Variants in XKR6 observed in about 807,000 individuals in gnomAD.
XKR6 encodes XK related 6, also known as XK-related protein 6.
XKR6 carries 22 observed loss-of-function variants against 56.7 expected under a neutral mutation model. That is an observed-to-expected ratio of 0.39 (90% CI 0.28 to 0.55). The LOEUF (loss-of-function observed/expected upper bound fraction) is 0.55, where lower values mean the gene tolerates loss of function less well. Ranked by LOEUF, XKR6 falls within the 20% of genes least tolerant of loss-of-function variation. XKR6 has a pLI of 0.66. For synonymous variants in XKR6, 524 were observed against 387.8 expected, an observed-to-expected ratio of 1.35 and a Z score of -4.13; for missense variants, 852 against 889.0, an observed-to-expected ratio of 0.96 and a Z score of 0.53.
chr8:11,119,988 C>T, intron 1 of XKR6, among the ~76,000 whole-genome samples: 1 of 152,166 alleles, frequency 6.6e-6, no homozygotes, highest in Non-Finnish European at 1.5e-5. Context: ...TTCAACAACG[C>T]TTCATGCTAA....
intron 1 of XKR6, among the ~76,000 whole-genome samples, chr8:11,074,952 G>C (rs1481404202): frequency 6.6e-6 from 1 of 152,242 alleles, no homozygotes; most frequent in Non-Finnish European, 1.5e-5. Flanking sequence ...AAACTCTGCA[G>C]TGTCCCCATG....
chr8:11,008,418 CTTT>C (rs35571220), intron 1 of XKR6, among the ~76,000 whole-genome samples: 4,367 of 103,972 alleles, frequency 0.042, 162 homozygotes, highest in African/African-American at 0.16. Context: ...GCTCCCCAGG[CTTT>C]TTTTTTTTTT....
At chr8:11,181,601 T>C (rs889090510) in intron 1 of XKR6, among the ~76,000 whole-genome samples, 1 of 152,220 alleles carries the variant, frequency 6.6e-6, no homozygotes, top group Non-Finnish European at 1.5e-5. Flanking sequence ...TTTGTATATT[T>C]ATATATGTGG....
rs913322501 is a variant in XKR6, at chr8:11,200,301, G to A, written c.764+275C>T. Reference sequence around the variant, plus strand: ...ACGCTTGGGAACGGAGCTCTGCAGAGGGGACGGGGAGGGCAGGTTGGGGCA... The same window carrying A: ...ACGCTTGGGAACGGAGCTCTGCAGAAGGGACGGGGAGGGCAGGTTGGGGCA... On this transcript the variant is annotated intron_variant, in intron 1 of 2. Transcript: ENST00000416569. The surrounding 1 kb of genome is among the most constrained non-coding windows in gnomAD (Gnocchi z 6.4). Among the ~76,000 whole-genome samples the A allele has an allele frequency of 7.9e-5, 12 of 152,376 alleles. No homozygotes were observed. The highest frequency in any genetic ancestry group is 2.4e-4 in the African/African-American group (10 of 41,596).
intron 1 of XKR6, among the ~76,000 whole-genome samples, chr8:11,148,381 G>A (rs772310129): frequency 1.8e-4 from 28 of 152,316 alleles, no homozygotes; most frequent in African/African-American, 5.8e-4. Flanking sequence ...GAGGGCAGCC[G>A]TCTGCAAGCC....
chr8:11,170,911 T>C (rs1054229640), intron 1 of XKR6, among the ~76,000 whole-genome samples: 1 of 152,214 alleles, frequency 6.6e-6, no homozygotes, highest in Non-Finnish European at 1.5e-5. Flanking sequence ...GGTAACTAGG[T>C]AATTAACCTT....
At chr8:10,975,876 C>T (rs142862447) in intron 1 of XKR6, among the ~76,000 whole-genome samples, 17 of 152,222 alleles carry the variant, frequency 1.1e-4, no homozygotes, top group Non-Finnish European at 2.1e-4. Flanking sequence ...CATGGGAACA[C>T]GGAGGTATCA....
intron 1 of XKR6, among the ~76,000 whole-genome samples, chr8:11,152,996 T>C (rs1021442259): frequency 3.3e-5 from 5 of 152,176 alleles, no homozygotes; most frequent in African/African-American, 1.2e-4. Context: ...CTGACTATGA[T>C]CACAGAGTAA....
intron 1 of XKR6, among the ~76,000 whole-genome samples, chr8:11,126,784 C>T (rs3736015): frequency 0.027 from 4,073 of 152,234 alleles, 92 homozygotes; most frequent in African/African-American, 0.059. Flanking sequence ...AAAATTATAA[C>T]CTCAGAGACC....
rs567764606 is a variant in XKR6 at position 10,981,131 on chromosome 8, C to G, written c.765-56301G>C. Among the ~76,000 whole-genome samples the G allele has an allele frequency of 2.8e-3, 429 of 152,290 alleles. 5 individuals carry two copies. The highest frequency in any genetic ancestry group is 3.2e-3 in the Non-Finnish European group (217 of 68,032). ...TCTACTCTCCCACTGTCAACCAGGC[C>G]CAGACAACAGATTAATGCTAGTGAG... is the stretch of plus-strand genomic sequence containing the variant. On this transcript the variant is annotated intron_variant, in intron 1 of 2. Coordinates refer to ENST00000416569, the MANE Select transcript of XKR6 (RefSeq NM_173683.4).
intron 1 of XKR6, among the ~76,000 whole-genome samples, chr8:11,103,954 G>A (rs554184790): frequency 3.9e-5 from 6 of 152,280 alleles, no homozygotes; most frequent in South Asian, 2.1e-4. Context: ...GACAGCTGTC[G>A]TACCCTTGGG....
rs1212679505 is a variant in XKR6, at chr8:11,152,350, C to T, written c.764+48226G>A. On this transcript the variant is annotated intron_variant, in intron 1 of 2. Coordinates refer to ENST00000416569, the MANE Select transcript of XKR6 (RefSeq NM_173683.4). ...TTCCAGAAAACATCTGGGCATGTTG[C>T]TGGCCTTATCTACGCCAGTCAAGGT... Among the ~76,000 whole-genome samples, 8 of 152,294 alleles carry T rather than the reference C, an allele frequency of 5.3e-5. 1 individual carries two copies. In the South Asian group the frequency reaches 1.0e-3, roughly 20 times the overall value.
At chr8:11,170,998 G>C (rs764278610) in intron 1 of XKR6, among the ~76,000 whole-genome samples, 2 of 152,180 alleles carry the variant, frequency 1.3e-5, no homozygotes, top group African/African-American at 4.8e-5. Context: ...ATTTAGATTA[G>C]CAATCTTGAA....
At chr8:11,141,846 T>A (rs1800715425) in intron 1 of XKR6, among the ~76,000 whole-genome samples, 1 of 152,018 alleles carries the variant, frequency 6.6e-6, no homozygotes, top group South Asian at 2.1e-4. Context: ...AGGACAGTAA[T>A]TATCTTTGGT....
At chr8:11,154,239 C>CG in intron 1 of XKR6, among the ~76,000 whole-genome samples, 1 of 152,250 alleles carries the variant, frequency 6.6e-6, no homozygotes, top group East Asian at 1.9e-4. Context: ...GACATGGTGA[C>CG]GGAGTTCAAC....
chr8:11,189,176 G>C (rs1163188182), intron 1 of XKR6, among the ~76,000 whole-genome samples: 1 of 152,052 alleles, frequency 6.6e-6, no homozygotes, highest in African/African-American at 2.4e-5. Flanking sequence ...CCTTGGCACT[G>C]ATTACAACAA....
At chr8:11,187,425 A>G (rs2117112530) in intron 1 of XKR6, among the ~76,000 whole-genome samples, 1 of 152,286 alleles carries the variant, frequency 6.6e-6, no homozygotes, top group African/African-American at 2.4e-5. Flanking sequence ...CTGATTCAAA[A>G]ACATGTCAGA....
intron 1 of XKR6, among the ~76,000 whole-genome samples, chr8:11,046,160 A>G (rs942314372): frequency 6.6e-6 from 1 of 152,194 alleles, no homozygotes; most frequent in Non-Finnish European, 1.5e-5. Flanking sequence ...GCACTTTGGG[A>G]GGTCGAGGTG....
rs117667904 is a variant in XKR6 at position 11,134,285 on chromosome 8, C to T, written c.764+66291G>A. Among the ~76,000 whole-genome samples the T allele has an allele frequency of 5.9e-3, 904 of 152,304 alleles. 12 individuals are homozygous for T. Among genetic ancestry groups the T allele is most frequent in the Non-Finnish European group, 7.6e-3 (519 of 68,036 alleles). ...CATCTGGATTACCTCCCTTTCCATA[C>T]CCTATCCCAATGCCTTAAGGGCGTG... On this transcript the variant is annotated intron_variant, in intron 1 of 2. Transcript: ENST00000416569.
Sources: allele counts gnomAD v4.1 joint callset (sites outside exome capture counted in the v4.1 genomes callset), GRCh38; gene constraint gnomAD v4.1.1; non-coding constraint Gnocchi (gnomAD v3.1); transcripts MANE v1.5; gene names NCBI Gene and HGNC (gene_info 2026-07-23, HGNC 2026-07-21).